Variants in ANKRD11 observed in about 807,000 individuals in gnomAD.
ANKRD11 encodes the protein ankyrin repeat domain-containing protein 11.
ANKRD11 carries 17 observed loss-of-function variants against 195.7 expected under a neutral mutation model. The ratio of observed to expected loss-of-function variants is 0.09; its 90% CI spans 0.06 to 0.13. The LOEUF (loss-of-function observed/expected upper bound fraction) is 0.13, where lower values mean the gene tolerates loss of function less well. Ranked by LOEUF, ANKRD11 falls within the 10% of genes least tolerant of loss-of-function variation. ANKRD11 has a pLI of 1.00. For synonymous variants in ANKRD11, 1,953 were observed against 1,528.1 expected, an observed-to-expected ratio of 1.28 and a Z score of -6.49; for missense variants, 3,735 against 3,566.1, an observed-to-expected ratio of 1.05 and a Z score of -1.21.
At chr16:89,321,088 C>G (rs1481053075) in intron 2 of ANKRD11, 2 of 152,624 alleles carry the variant, frequency 1.3e-5, no homozygotes, top group Admixed American at 1.3e-4. Context: ...CTGAACCATC[C>G]AGGCACCGCG....
intron 1 of ANKRD11, among the ~76,000 whole-genome samples, chr16:89,439,668 A>G (rs1172569556): frequency 6.6e-6 from 1 of 152,194 alleles, no homozygotes; most frequent in Non-Finnish European, 1.5e-5. Flanking sequence ...TTCTTCATCT[A>G]CACCACTCAC....
chr16:89,285,517 G>A lies in ANKRD11; in HGVS notation c.1025C>T (p.Pro342Leu), dbSNP rs769076092. 3.7e-6 allele frequency: 6 copies of A among 1,614,038 alleles called. No individual in the cohort carries two copies. Among genetic ancestry groups the A allele is most frequent in the Non-Finnish European group, 8.5e-7 (1 of 1,179,964 alleles). The change falls in exon 9 of 13, where the codon CCC (proline) becomes CTC (leucine). Residue 342 changes from proline (P) to leucine (L), a missense_variant. By Grantham distance (98) the Pro-to-Leu change is moderately conservative. Coordinates refer to ENST00000301030, the MANE Select transcript of ANKRD11 (RefSeq NM_013275.6). This position sits in a 1 kb window ranked among gnomAD's most constrained non-coding sequence, Gnocchi z 5.6. The part of the protein sequence containing the change: ...KNPEPQKATA[P>L]VKDEYEFDED... The stretch of plus-strand genomic sequence containing the variant: ...ATCAAACTCATACTCGTCCTTGACG[G>A]GGGCCGTGGCCTTCTGTGGCTCTGG...
chr16:89,363,621 A>G (rs566605137), intron 2 of ANKRD11, among the ~76,000 whole-genome samples: 3 of 152,070 alleles, frequency 2.0e-5, no homozygotes, highest in African/African-American at 7.2e-5. Context: ...ATTCAAACGC[A>G]CTCTGTGTGC....
At chr16:89,395,252 C>T (rs558645544) in intron 2 of ANKRD11, among the ~76,000 whole-genome samples, 1 of 152,204 alleles carries the variant, frequency 6.6e-6, no homozygotes, top group South Asian at 2.1e-4. Context: ...ACTGGCTGAG[C>T]CCCAGGGAAG....
chr16:89,448,207 A>C (rs1423990938), intron 1 of ANKRD11, among the ~76,000 whole-genome samples: 1 of 152,198 alleles, frequency 6.6e-6, no homozygotes, highest in East Asian at 1.9e-4. Flanking sequence ...CCTTGCAGAC[A>C]CTGGGCACAG....
intron 4 of ANKRD11, among the ~76,000 whole-genome samples, chr16:89,301,833 G>A (rs2035873592): frequency 6.6e-6 from 1 of 152,192 alleles, no homozygotes; most frequent in Non-Finnish European, 1.5e-5. Context: ...CATCTCCATG[G>A]CACTGGACCG....
At position 89,284,136 on chromosome 16, in the gene ANKRD11, G is replaced by C; in HGVS notation, c.2406C>G (p.Leu802=). ...EKIFKEDKEK[L]KKEKVYREDS... ...CTTCCCTATAAACCTTTTCTTTTTT[G>C]AGTTTTTCTTTATCTTCTTTAAAAA... is the stretch of plus-strand genomic sequence containing the variant. The change falls in exon 9 of 13, where the codon CTC becomes CTG. Residue 802 remains leucine, a synonymous_variant. Coordinates refer to ENST00000301030, the MANE Select transcript of ANKRD11 (RefSeq NM_013275.6). The C allele has an allele frequency of 6.2e-7, 1 of 1,606,164 alleles. No individual in the cohort carries two copies.
At chr16:89,429,257 ACT>A (rs2042873754) in intron 1 of ANKRD11, among the ~76,000 whole-genome samples, 1 of 96,884 alleles carries the variant, frequency 1.0e-5, no homozygotes, top group Non-Finnish European at 2.3e-5. Flanking sequence ...CACAGCAGGG[ACT>A]CTCAACTCTC....
intron 2 of ANKRD11, among the ~76,000 whole-genome samples, chr16:89,407,431 G>A (rs1167644083): frequency 6.6e-6 from 1 of 152,110 alleles, no homozygotes; most frequent in Non-Finnish European, 1.5e-5. Context: ...GCCCTTCCCA[G>A]CATTTCCTGC....
At chr16:89,304,579 T>C (rs1342118659) in intron 4 of ANKRD11, among the ~76,000 whole-genome samples, 1 of 137,178 alleles carries the variant, frequency 7.3e-6, no homozygotes, top group African/African-American at 2.8e-5. Flanking sequence ...CATGGGTACA[T>C]ACAAGTACAT....
chr16:89,352,440 G>A (rs956567772), intron 2 of ANKRD11, among the ~76,000 whole-genome samples: 1 of 151,526 alleles, frequency 6.6e-6, no homozygotes, highest in Non-Finnish European at 1.5e-5. Flanking sequence ...GTGGCAGGAG[G>A]GCACTTGCTG....
At chr16:89,470,878 A>T (rs974512294) in intron 1 of ANKRD11, among the ~76,000 whole-genome samples, 1 of 152,194 alleles carries the variant, frequency 6.6e-6, no homozygotes, top group Non-Finnish European at 1.5e-5. Flanking sequence ...TTGTAGTCCC[A>T]GTTACTCGGG....
intron 1 of ANKRD11, among the ~76,000 whole-genome samples, chr16:89,457,932 C>T (rs2056508361): frequency 1.3e-5 from 2 of 152,122 alleles, no homozygotes; most frequent in Admixed American, 1.3e-4. Flanking sequence ...GATTCAGACC[C>T]AGACCCCAGC....
chr16:89,449,309 G>A (rs975904671), intron 1 of ANKRD11, among the ~76,000 whole-genome samples: 9 of 152,092 alleles, frequency 5.9e-5, no homozygotes, highest in African/African-American at 1.9e-4. Flanking sequence ...AGGCTACAGT[G>A]AGCCGTGATC....
chr16:89,283,373 T>C lies in ANKRD11; in HGVS notation c.3169A>G (p.Lys1057Glu). 6.2e-7 allele frequency: 1 copy of C among 1,613,906 alleles called. No individual in the cohort carries two copies. Among genetic ancestry groups the C allele is most frequent in the Non-Finnish European group, 8.5e-7 (1 of 1,180,036 alleles). ...QKDKEFDKCFKEKKDTKEKHK... is the reference protein window; with the variant it reads ...QKDKEFDKCFEEKKDTKEKHK... Reference sequence around the variant, plus strand: ...TTTTCCTTGGTATCTTTTTTCTCTTTAAAACATTTATCAAATTCTTTGTCC... The same window carrying C: ...TTTTCCTTGGTATCTTTTTTCTCTTCAAAACATTTATCAAATTCTTTGTCC... The change falls in exon 9 of 13, where the codon AAA becomes GAA. Residue 1057 changes from lysine to glutamate, a missense_variant. Transcript: ENST00000301030. The surrounding 1 kb of genome is among the most constrained non-coding windows in gnomAD (Gnocchi z 4.3).
In ANKRD11 at chr16:89,283,600, C is replaced by A. The variant is rs1085307572; in HGVS notation, c.2942G>T (p.Cys981Phe). The A allele has an allele frequency of 6.2e-7, 1 of 1,609,906 alleles. No homozygotes were observed. The highest frequency in any genetic ancestry group is 1.3e-5 in the African/African-American group (1 of 74,938). ...AHREELKECG[C>F]ESGFKDKSDG... ...GGACTTGTCCTTGAAGCCACTCTCG[C>A]AGCCACACTCCTTCAGCTCCTCCCG... The change falls in exon 9 of 13, where the codon TGC becomes TTC. Residue 981 changes from cysteine (C) to phenylalanine (F), a missense_variant. Cys to Phe is a radical substitution (Grantham distance 205, BLOSUM62 -2). Coordinates refer to ENST00000301030, the MANE Select transcript of ANKRD11 (RefSeq NM_013275.6). This position sits in a 1 kb window ranked among gnomAD's most constrained non-coding sequence, Gnocchi z 4.3.
At chr16:89,388,418 C>T (rs2041023994) in intron 2 of ANKRD11, among the ~76,000 whole-genome samples, 1 of 150,774 alleles carries the variant, frequency 6.6e-6, no homozygotes, top group African/African-American at 2.4e-5. Flanking sequence ...GCGTGAGCCA[C>T]CACGCCCAGC....
At chr16:89,290,912 C>G in intron 5 of ANKRD11, 84 bp from the exon 6 acceptor site, 1 of 1,608,982 alleles carries the variant, frequency 6.2e-7, no homozygotes, top group Non-Finnish European at 8.5e-7. Flanking sequence ...GCCACCATCA[C>G]GAGGTCCCTT....
intron 3 of ANKRD11, among the ~76,000 whole-genome samples, chr16:89,311,653 A>T (rs1182151452): frequency 6.6e-6 from 1 of 152,220 alleles, no homozygotes; most frequent in African/African-American, 2.4e-5. Context: ...AACTTCTGTG[A>T]CCTTCGTTTG....
Sources: allele counts gnomAD v4.1 joint callset (sites outside exome capture counted in the v4.1 genomes callset), GRCh38; gene constraint gnomAD v4.1.1; non-coding constraint Gnocchi (gnomAD v3.1); transcripts MANE v1.5; gene names NCBI Gene and HGNC (gene_info 2026-07-23, HGNC 2026-07-21).